The following FRMD4A variants were observed in gnomAD, a reference collection of about 807,000 sequenced individuals.
FRMD4A encodes FERM domain-containing protein 4A.
In FRMD4A, 29 loss-of-function variants were observed where a neutral mutation model predicts 129.1. The ratio of observed to expected loss-of-function variants is 0.22; its 90% confidence interval spans 0.17 to 0.31. FRMD4A has a LOEUF of 0.31. FRMD4A is among the 10% of genes least tolerant of loss of function. The probability of loss-of-function intolerance (pLI) is 1.00; values close to 1 mark genes in which losing one functional copy is unlikely to be tolerated. For synonymous variants in FRMD4A, 634 were observed against 571.6 expected, an observed-to-expected ratio of 1.11 and a Z score of -1.56; for missense variants, 1,272 against 1,375.8, an observed-to-expected ratio of 0.92 and a Z score of 1.19.
chr10:13,814,996 G>A (rs1417512050), intron 3 of FRMD4A, among the ~76,000 whole-genome samples: 1 of 152,046 alleles, frequency 6.6e-6, no homozygotes, highest in African/African-American at 2.4e-5. Flanking sequence ...GAGGCTTGGG[G>A]TTACTTTAGC....
intron 2 of FRMD4A, among the ~76,000 whole-genome samples, chr10:13,922,997 T>G (rs2131263232): frequency 6.6e-6 from 1 of 152,146 alleles, no homozygotes; most frequent in African/African-American, 2.4e-5. Flanking sequence ...AGTGAGAAAA[T>G]GGGATGAGAA....
rs72780807 is a variant in FRMD4A, at chr10:14,291,833, A to C, written c.45+38225T>G. 6.0e-3 allele frequency among the ~76,000 whole-genome samples: 909 copies of C among 151,944 alleles called. 24 individuals carry two copies. The East Asian group carries it at 0.064, about 11-fold the overall frequency. On this transcript the variant is annotated intron_variant, in intron 2 of 24. Transcript: ENST00000357447. Reference sequence around the variant, plus strand: ...ATACATATATAGGAATTGGAATTATATTATTATTAATATAAAACTCAAAAG... The same window carrying C: ...ATACATATATAGGAATTGGAATTATCTTATTATTAATATAAAACTCAAAAG...
At chr10:14,240,122 G>A (rs1041206740) in intron 2 of FRMD4A, among the ~76,000 whole-genome samples, 1 of 152,138 alleles carries the variant, frequency 6.6e-6, no homozygotes, top group Non-Finnish European at 1.5e-5. Flanking sequence ...TCCCAATACT[G>A]ATGGAGTAAT....
chr10:13,848,242 A>G (rs1283843802), intron 3 of FRMD4A, among the ~76,000 whole-genome samples: 2 of 152,172 alleles, frequency 1.3e-5, no homozygotes, highest in African/African-American at 2.4e-5. Context: ...ATCACGGAAA[A>G]AATAACTCAG....
At chr10:13,730,403 G>A (rs142121809) in intron 12 of FRMD4A, among the ~76,000 whole-genome samples, 1 of 152,290 alleles carries the variant, frequency 6.6e-6, no homozygotes, top group South Asian at 2.1e-4. Flanking sequence ...ACAACTGCCC[G>A]AAACCCGTGG....
At chr10:13,960,651 G>A (rs2095440563) in intron 2 of FRMD4A, among the ~76,000 whole-genome samples, 1 of 152,172 alleles carries the variant, frequency 6.6e-6, no homozygotes, top group Admixed American at 6.5e-5. Context: ...TGGACTTCAG[G>A]GCACATGCTC....
At chr10:14,060,250 T>C (rs1363552876) in intron 2 of FRMD4A, among the ~76,000 whole-genome samples, 1 of 152,236 alleles carries the variant, frequency 6.6e-6, no homozygotes, top group Non-Finnish European at 1.5e-5. Context: ...CACTGTTGAC[T>C]GGGAACCTAG....
At chr10:13,937,644 C>G (rs1034088526) in intron 2 of FRMD4A, among the ~76,000 whole-genome samples, 14 of 151,982 alleles carry the variant, frequency 9.2e-5, no homozygotes, top group African/African-American at 3.4e-4. Flanking sequence ...CTTTGGGCAT[C>G]AGTGCTCATA....
chr10:14,008,212 T>G (rs893100370), intron 2 of FRMD4A: 1 of 279,328 alleles, frequency 3.6e-6, no homozygotes, highest in Non-Finnish European at 4.3e-6. Context: ...GTGTGTGTGT[T>G]CCCAGCAAAG....
At chr10:14,171,510 C>T (rs1841475108) in intron 2 of FRMD4A, among the ~76,000 whole-genome samples, 1 of 152,208 alleles carries the variant, frequency 6.6e-6, no homozygotes, top group African/African-American at 2.4e-5. Flanking sequence ...TGTGGCCGCC[C>T]ACCCAGGAGA....
In FRMD4A at chr10:13,971,611, C is replaced by T. The variant is rs1266694427; in HGVS notation, c.46-112699G>A. 1.6e-5 allele frequency: 19 copies of T among 1,165,944 alleles called. 1 individual carries two copies. In the South Asian group the frequency reaches 2.3e-4, roughly 14 times the overall value. 72.2% of individuals were successfully genotyped at this position (1,165,944 alleles called of 1,614,324 possible). A position where few individuals can be genotyped will look rare whatever the true frequency, so the allele number is the denominator to read the frequency against. ...CCCCCTTCTCCACCATTCACCACCA[C>T]TTTCCCATGCTTCAAAGAAACGAAA... On this transcript the variant is annotated intron_variant, in intron 2 of 24. Transcript: ENST00000357447.
chr10:14,028,920 C>T (rs1019810167), intron 2 of FRMD4A, among the ~76,000 whole-genome samples: 2 of 152,158 alleles, frequency 1.3e-5, no homozygotes, highest in African/African-American at 4.8e-5. Context: ...ATAGACATTT[C>T]TTTGATGGTG....
At chr10:14,236,499 G>T (rs1475669925) in intron 2 of FRMD4A, among the ~76,000 whole-genome samples, 1 of 152,196 alleles carries the variant, frequency 6.6e-6, no homozygotes, top group African/African-American at 2.4e-5. Context: ...CATACCACTG[G>T]ATGCTTGCTG....
chr10:14,036,970 T>A (rs1389687821), intron 2 of FRMD4A, among the ~76,000 whole-genome samples: 1 of 152,196 alleles, frequency 6.6e-6, no homozygotes, highest in East Asian at 1.9e-4. Context: ...AGGTAATATA[T>A]GCAGATGATA....
intron 2 of FRMD4A, among the ~76,000 whole-genome samples, chr10:14,063,905 T>C (rs149400627): frequency 3.3e-4 from 50 of 152,260 alleles, no homozygotes; most frequent in African/African-American, 1.1e-3. Flanking sequence ...TCACTAAAAA[T>C]TAAGAATCTG....
At chr10:13,962,137 C>T (rs2095449796) in intron 2 of FRMD4A, among the ~76,000 whole-genome samples, 1 of 152,228 alleles carries the variant, frequency 6.6e-6, no homozygotes, top group Non-Finnish European at 1.5e-5. Flanking sequence ...ACAGCTGCTA[C>T]TAGCCATCTT....
At chr10:13,649,136 T>G (rs1260355689) in intron 24 of FRMD4A, 1 of 152,190 alleles carries the variant, frequency 6.6e-6, no homozygotes, top group Non-Finnish European at 1.5e-5. Context: ...GTTGACTCTC[T>G]TGTATGTTGG....
chr10:13,682,006 G>T lies in FRMD4A; in HGVS notation c.1118-6962C>A, dbSNP rs529941862. The stretch of plus-strand genomic sequence containing the variant: ...AGGCTGAAATGGGAGGACTGCTTGA[G>T]GCCAAGAGTTTGAGACCATCTTGGG... On this transcript the variant is annotated intron_variant, in intron 15 of 24. Transcript: ENST00000357447. Among the ~76,000 whole-genome samples the T allele has an allele frequency of 2.0e-5, 3 of 152,182 alleles. No homozygotes were observed. In the South Asian group the frequency reaches 6.2e-4, roughly 32 times the overall value.
At chr10:13,786,539 G>A (rs1339911658) in intron 5 of FRMD4A, among the ~76,000 whole-genome samples, 4 of 152,188 alleles carry the variant, frequency 2.6e-5, no homozygotes, top group African/African-American at 9.7e-5. Flanking sequence ...CTGGGAGGCG[G>A]AGGTTGCAGT....
Sources: gnomAD v4.1 joint callset for allele counts (sites outside exome capture counted in the v4.1 genomes callset) on GRCh38, gnomAD v4.1.1 for gene constraint, MANE v1.5 for transcripts, NCBI Gene and HGNC (gene_info 2026-07-23, HGNC 2026-07-21) for gene names.